The following SPECC1 variants were observed in gnomAD, a reference collection of about 807,000 sequenced individuals.
SPECC1 encodes cytospin-B.
Under a neutral mutation model 104.1 loss-of-function variants are expected in SPECC1, and 62 were observed. The ratio of observed to expected loss-of-function variants is 0.60; its 90% CI spans 0.49 to 0.74. SPECC1 has a LOEUF of 0.74. Ranked by LOEUF, SPECC1 falls within the 30% of genes least tolerant of loss-of-function variation. The pLI is 0.00. For missense variants in SPECC1, 1,306 were observed against 1,310.5 expected (o/e 1.00, Z 0.05); for synonymous variants, 513 against 501.6 (o/e 1.02, Z -0.30).
chr17:20,298,921 A>AGAGAG (rs1555535542), intron 13 of SPECC1, among the ~76,000 whole-genome samples: 2 of 72,792 alleles, frequency 2.7e-5, no homozygotes, highest in East Asian at 1.9e-3. Context: ...GCAGAACCAA[A>AGAGAG]AGAGAGAGAG....
intron 4 of SPECC1, among the ~76,000 whole-genome samples, chr17:20,222,880 T>TA (rs1318812977): frequency 6.6e-6 from 1 of 152,198 alleles, no homozygotes; most frequent in Non-Finnish European, 1.5e-5. Flanking sequence ...TTCAGTACTT[T>TA]AAATATGGCA....
At chr17:20,155,120 G>C (rs1408111311) in intron 3 of SPECC1, among the ~76,000 whole-genome samples, 1 of 152,160 alleles carries the variant, frequency 6.6e-6, no homozygotes, top group African/African-American at 2.4e-5. Flanking sequence ...ATAGGAAAGA[G>C]GTCTGTTGGC....
Position 20,204,712 on chromosome 17 carries a change from C to T in SPECC1, c.663C>T (p.Asp221=). The stretch of plus-strand genomic sequence containing the variant: ...ATGGAACATCAGTCTCCCCAGGTGA[C>T]ACGGAACCTATGATAAGAGCTCTTG... ...NVDGTSVSPG[D]TEPMIRALEE... The change falls in exon 4 of 15, where the codon GAC becomes GAT. Residue 221 remains aspartate, a synonymous_variant. Coordinates refer to ENST00000395527, the MANE Select transcript of SPECC1 (RefSeq NM_001243439.2). The T allele has an allele frequency of 1.2e-6, 2 of 1,614,042 alleles. No individual in the cohort carries two copies. Among genetic ancestry groups the T allele is most frequent in the Non-Finnish European group, 1.7e-6 (2 of 1,179,998 alleles).
chr17:20,111,281 A>G (rs1428830266), intron 3 of SPECC1, among the ~76,000 whole-genome samples: 2 of 152,328 alleles, frequency 1.3e-5, no homozygotes, highest in Non-Finnish European at 2.9e-5. Flanking sequence ...CTAATTTTTA[A>G]TGTGTTGAAG....
chr17:20,212,299 A>G (rs936537165), intron 4 of SPECC1, among the ~76,000 whole-genome samples: 1 of 152,210 alleles, frequency 6.6e-6, no homozygotes, highest in Non-Finnish European at 1.5e-5. Context: ...TACCCAAGCT[A>G]GATGCCAGAA....
At position 20,156,152 on chromosome 17, in the gene SPECC1, C is replaced by T. The variant is rs1198663617; in HGVS notation, c.283+45590C>T. ...AGCGCGAGCTCGGCACGGTGGACAC[C>T]CGGTCCGAGGCCGGCAAGCCGGCTG... On this transcript the variant is annotated intron_variant, in intron 3 of 14. Coordinates refer to ENST00000395527, the MANE Select transcript of SPECC1 (RefSeq NM_001243439.2). 11 of 1,432,864 alleles carry T rather than the reference C, an allele frequency of 7.7e-6. No homozygotes were observed. In the East Asian group the frequency reaches 3.3e-4, roughly 44 times the overall value. 88.8% of individuals were successfully genotyped at this position (1,432,864 alleles called of 1,614,324 possible).
At chr17:20,162,903 C>A (rs1293083651) in intron 3 of SPECC1, among the ~76,000 whole-genome samples, 1 of 152,178 alleles carries the variant, frequency 6.6e-6, no homozygotes, top group Non-Finnish European at 1.5e-5. Context: ...TGGCACATGC[C>A]TGTAATCCCA....
chr17:20,237,027 C>A, intron 7 of SPECC1: 1 of 1,533,176 alleles, frequency 6.5e-7, no homozygotes, highest in South Asian at 1.2e-5. Flanking sequence ...CTCTGTTTCT[C>A]AGAGTCATTG....
chr17:20,052,108 TTCA>T (rs1400635756), intron 1 of SPECC1, among the ~76,000 whole-genome samples: 3 of 152,192 alleles, frequency 2.0e-5, no homozygotes, highest in African/African-American at 7.2e-5. Context: ...ATATTATCAC[TTCA>T]TCACTTTATT....
intron 3 of SPECC1, among the ~76,000 whole-genome samples, chr17:20,120,946 G>A (rs532283669): frequency 6.6e-6 from 1 of 152,264 alleles, no homozygotes; most frequent in South Asian, 2.1e-4. Flanking sequence ...GTCATGGGTG[G>A]TATTGGAACT....
chr17:20,222,934 GCTC>G (rs2037976556), intron 4 of SPECC1, among the ~76,000 whole-genome samples: 2 of 152,100 alleles, frequency 1.3e-5, no homozygotes, highest in South Asian at 4.2e-4. Context: ...TGAGAAGTCT[GCTC>G]CTTTGTTTCT....
At chr17:20,296,100 C>T (rs1372595949) in intron 12 of SPECC1, among the ~76,000 whole-genome samples, 2 of 152,176 alleles carry the variant, frequency 1.3e-5, no homozygotes, top group Non-Finnish European at 2.9e-5. Context: ...TTGCCCATGC[C>T]TATGTCCTGA....
In SPECC1 at chr17:20,246,040, A is replaced by G. The variant is rs1156638557; in HGVS notation, c.2466A>G (p.Ser822=). The change falls in exon 8 of 15, where the codon TCA becomes TCG. Residue 822 remains serine (S), a synonymous_variant. Coordinates refer to ENST00000395527, the MANE Select transcript of SPECC1 (RefSeq NM_001243439.2). ...CAGAGTCGGCAACCACCGTTAAGTC[A>G]CTTATCAAGTCATTTGACTTGGGAC... is the stretch of plus-strand genomic sequence containing the variant. ...TPPESATTVK[S]LIKSFDLGRP... is the part of the protein sequence containing the mutation. 1.2e-6 allele frequency: 2 copies of G among 1,614,120 alleles called. No individual in the cohort carries two copies. Among genetic ancestry groups the G allele is most frequent in the South Asian group, 1.1e-5 (1 of 91,080 alleles).
Position 20,083,440 on chromosome 17 carries a change from T to C in SPECC1, c.-21-13191T>C, listed in dbSNP as rs553290725. On this transcript the variant is annotated intron_variant, in intron 1 of 14. Transcript: ENST00000395527. ...ATAAGACTACAAGGGTGAACTGACA[T>C]TTGATCTGGGACTTAAAGATGGGTA... Among the ~76,000 whole-genome samples the C allele has an allele frequency of 2.6e-5, 4 of 152,368 alleles. No homozygotes were observed. The East Asian group carries it at 7.7e-4, about 29-fold the overall frequency.
intron 1 of SPECC1, among the ~76,000 whole-genome samples, chr17:20,037,090 C>T (rs1187382960): frequency 6.6e-6 from 1 of 152,020 alleles, no homozygotes; most frequent in Non-Finnish European, 1.5e-5. Context: ...CTCTTTAGTA[C>T]GTTCATATAG....
chr17:20,195,725 T>G (rs2035989833), intron 3 of SPECC1, among the ~76,000 whole-genome samples: 2 of 152,092 alleles, frequency 1.3e-5, no homozygotes, highest in South Asian at 4.1e-4. Flanking sequence ...ACCCGGCTAA[T>G]TTTTAGTATT....
intron 3 of SPECC1, among the ~76,000 whole-genome samples, chr17:20,189,722 G>A (rs946311174): frequency 6.6e-6 from 1 of 152,102 alleles, no homozygotes; most frequent in Non-Finnish European, 1.5e-5. Flanking sequence ...CATAGTGGCC[G>A]TGGTACAGCA....
At position 20,009,996 on chromosome 17, in the gene SPECC1, G is replaced by C. The variant is rs1210181313; in HGVS notation, c.-22+572G>C. ...GGCTAGGGCTGCGCATCCCGGGTCA[G>C]CTGGGGCGCCGCGGCGCAGTGCACC... On this transcript the variant is annotated intron_variant, in intron 1 of 14. Coordinates refer to ENST00000395527, the MANE Select transcript of SPECC1 (RefSeq NM_001243439.2). The surrounding 1 kb of genome is among the most constrained non-coding windows in gnomAD (Gnocchi z 5.2). 6.6e-6 allele frequency: 1 copy of C among 152,192 alleles called. No individual in the cohort carries two copies. Among genetic ancestry groups the C allele is most frequent in the Non-Finnish European group, 1.5e-5 (1 of 68,040 alleles). The allele number at this position is 152,192 out of a possible 1,614,324, so 9.4% of individuals were successfully genotyped here. A position where few individuals can be genotyped will look rare whatever the true frequency, so the allele number is the denominator to read the frequency against.
intron 3 of SPECC1, among the ~76,000 whole-genome samples, chr17:20,133,682 TG>T (rs1162908997): frequency 6.6e-6 from 1 of 151,824 alleles, no homozygotes; most frequent in Non-Finnish European, 1.5e-5. Flanking sequence ...CAGAACCACC[TG>T]TTGGGATGGA....
Sources: allele counts gnomAD v4.1 joint callset (sites outside exome capture counted in the v4.1 genomes callset), GRCh38; gene constraint gnomAD v4.1.1; non-coding constraint Gnocchi (gnomAD v3.1); transcripts MANE v1.5; gene names NCBI Gene and HGNC (gene_info 2026-07-23, HGNC 2026-07-21).